AGBL1: variants seen among roughly 807,000 people sequenced by gnomAD.
AGBL1 encodes the protein AGBL carboxypeptidase 1.
Under a neutral mutation model 118.9 loss-of-function variants are expected in AGBL1, and 130 were observed. The observed-to-expected ratio is 1.09, with a 90% CI of 0.95 to 1.26. The LOEUF (loss-of-function observed/expected upper bound fraction) is 1.26. Among genes scored for constraint, AGBL1 ranks in the 50% most tolerant of loss-of-function variants. The pLI, the probability that AGBL1 is intolerant of heterozygous loss-of-function variation, is 0.00. For missense variants in AGBL1, 1,584 were observed against 1,298.1 expected, an observed-to-expected ratio of 1.22 and a Z score of -3.38; for synonymous variants, 555 against 478.9, an observed-to-expected ratio of 1.16 and a Z score of -2.08.
chr15:86,987,893 T>G (rs2081299947), intron 23 of AGBL1: 2 of 1,467,836 alleles, frequency 1.4e-6, no homozygotes, highest in East Asian at 4.7e-5. Context: ...TTTTTCCCAC[T>G]CAATAATATG....
chr15:86,244,462 C>T (rs1447903542), intron 6 of AGBL1, among the ~76,000 whole-genome samples: 2 of 152,206 alleles, frequency 1.3e-5, no homozygotes, highest in African/African-American at 2.4e-5. Context: ...ATTTTAGATA[C>T]GTATTGACTT....
chr15:86,601,819 C>T (rs192347464), intron 21 of AGBL1, among the ~76,000 whole-genome samples: 274 of 152,270 alleles, frequency 1.8e-3, no homozygotes, highest in Non-Finnish European at 3.3e-3. Flanking sequence ...AAATTATCAT[C>T]ATTACTCCAT....
chr15:86,534,343 T>G (rs1291995375), intron 19 of AGBL1, among the ~76,000 whole-genome samples: 1 of 152,192 alleles, frequency 6.6e-6, no homozygotes, highest in African/African-American at 2.4e-5. Flanking sequence ...TGGACTTGCA[T>G]GAAGAAGAGT....
At chr15:86,546,968 C>A (rs1022332314) in intron 20 of AGBL1, among the ~76,000 whole-genome samples, 11 of 152,060 alleles carry the variant, frequency 7.2e-5, no homozygotes, top group African/African-American at 1.9e-4. Flanking sequence ...AGCTTCATCC[C>A]CAGGGTTAAT....
chr15:86,685,341 T>A (rs764915109), intron 22 of AGBL1, among the ~76,000 whole-genome samples: 2 of 152,170 alleles, frequency 1.3e-5, no homozygotes, highest in African/African-American at 2.4e-5. Context: ...CATCATAGAC[T>A]TACTGATTCT....
intron 18 of AGBL1, among the ~76,000 whole-genome samples, chr15:86,407,802 C>T (rs895665978): frequency 4.6e-5 from 7 of 152,156 alleles, no homozygotes; most frequent in Non-Finnish European, 8.8e-5. Context: ...GTGGATCCTT[C>T]CAAGCTGGAT....
At position 86,931,048 on chromosome 15, in the gene AGBL1, G is replaced by A. The variant is rs565917521; in HGVS notation, c.3222-56939G>A. ...GAGGACTGGACTCTGACTGCCTGCC[G>A]TCTTTTACTCCAAATTTCTTCCTCG... On this transcript the variant is annotated intron_variant, in intron 23 of 24. Coordinates refer to the AGBL1 transcript ENST00000441037. Among the ~76,000 whole-genome samples, 17 of 152,228 alleles carry A rather than the reference G, an allele frequency of 1.1e-4. No individual in the cohort carries two copies. The South Asian group carries it at 3.1e-3, about 28-fold the overall frequency.
chr15:86,740,532 G>C (rs2077662665), intron 22 of AGBL1, among the ~76,000 whole-genome samples: 1 of 152,194 alleles, frequency 6.6e-6, no homozygotes, highest in Non-Finnish European at 1.5e-5. Context: ...CTGATTTTAA[G>C]GAGATTGCTG....
At position 86,262,078 on chromosome 15, in the gene AGBL1, C is replaced by CTTTTTTTTTTTTTTT. The variant is rs61365024; in HGVS notation, c.970-698_970-684dup. 4.1e-3 allele frequency among the ~76,000 whole-genome samples: 217 copies of CTTTTTTTTTTTTTTT among 52,748 alleles called. 55 individuals carry two copies. Among genetic ancestry groups the CTTTTTTTTTTTTTTT allele is most frequent in the South Asian group, 0.016 (10 of 612 alleles). 34.6% of individuals were successfully genotyped at this position (52,748 alleles called of 152,430 possible). ...CACTGCTAGGCCTATGCATAGCTGG[C>CTTTTTTTTTTTTTTT]TTTTTTTTTTTTTTTTGCCATTTAG... On this transcript the variant is annotated intron_variant, in intron 9 of 22. Transcript: ENST00000614907.
intron 22 of AGBL1, among the ~76,000 whole-genome samples, chr15:86,868,925 A>T (rs1213727291): frequency 6.6e-6 from 1 of 152,210 alleles, no homozygotes; most frequent in East Asian, 1.9e-4. Flanking sequence ...AGTAGAAGAT[A>T]ATGAAAGAAA....
At chr15:86,549,878 GGGGAGT>G (rs1361877467) in intron 20 of AGBL1, among the ~76,000 whole-genome samples, 1 of 145,348 alleles carries the variant, frequency 6.9e-6, no homozygotes, top group African/African-American at 2.5e-5. Flanking sequence ...AGGGTGGGGA[GGGGAGT>G]GGAGGGAGGG....
intron 22 of AGBL1, among the ~76,000 whole-genome samples, chr15:86,904,140 A>G (rs981178455): frequency 6.6e-6 from 1 of 152,146 alleles, no homozygotes; most frequent in South Asian, 2.1e-4. Context: ...GGCTAGAGGA[A>G]ACAAGCTCTT....
chr15:86,225,048 T>C (rs2078339685), intron 6 of AGBL1, 97 bp downstream of exon 6: 3 of 1,133,614 alleles, frequency 2.6e-6, no homozygotes, highest in South Asian at 1.4e-5. Context: ...TTTTTTTTTT[T>C]CATGAACTAC....
At chr15:86,916,775 A>G (rs2080429708), downstream of AGBL1, among the ~76,000 whole-genome samples, 1 of 152,124 alleles carries the variant, frequency 6.6e-6, no homozygotes, top group Admixed American at 6.5e-5. Flanking sequence ...CCTGCAGAGA[A>G]CACCAGCAGG....
intron 22 of AGBL1, among the ~76,000 whole-genome samples, chr15:86,851,523 T>C (rs1269549390): frequency 6.6e-6 from 1 of 152,180 alleles, no homozygotes; most frequent in Non-Finnish European, 1.5e-5. Flanking sequence ...TGGGCACAAC[T>C]TTCTGTATCC....
chr15:86,860,936 C>T (rs2079551405), intron 22 of AGBL1, among the ~76,000 whole-genome samples: 1 of 152,126 alleles, frequency 6.6e-6, no homozygotes, highest in South Asian at 2.1e-4. Context: ...GCTCTTGTGC[C>T]TCCCCAGCCC....
At chr15:86,543,925 A>C (rs1046716980) in intron 19 of AGBL1, among the ~76,000 whole-genome samples, 1 of 152,226 alleles carries the variant, frequency 6.6e-6, no homozygotes, top group Non-Finnish European at 1.5e-5. Flanking sequence ...TTCTTCATAG[A>C]TAAGGAGAAG....
chr15:87,004,849 T>C (rs1200961198), intron 24 of AGBL1, among the ~76,000 whole-genome samples: 1 of 152,218 alleles, frequency 6.6e-6, no homozygotes, highest in African/African-American at 2.4e-5. Context: ...CCTTTCCACA[T>C]TTAGTGCTTC....
At chr15:86,792,880 A>G (rs1012459696) in intron 22 of AGBL1, among the ~76,000 whole-genome samples, 4 of 152,156 alleles carry the variant, frequency 2.6e-5, no homozygotes, top group African/African-American at 9.7e-5. Flanking sequence ...ATTCCCAGTA[A>G]TATTATCAAC....
Sources: gnomAD v4.1 joint callset for allele counts (sites outside exome capture counted in the v4.1 genomes callset) on GRCh38, gnomAD v4.1.1 for gene constraint, MANE v1.5 for transcripts, NCBI Gene and HGNC (gene_info 2026-07-23, HGNC 2026-07-21) for gene names.